The following DTNA variants were observed in gnomAD, a reference collection of about 807,000 sequenced individuals.
DTNA encodes dystrobrevin alpha.
Under a neutral mutation model 100.7 loss-of-function variants are expected in DTNA, and 43 were observed. The ratio of observed to expected loss-of-function variants is 0.43; its 90% CI spans 0.33 to 0.55. DTNA has a LOEUF of 0.55. Among genes scored for constraint, DTNA ranks in the 20% least tolerant of loss-of-function variants. The probability of loss-of-function intolerance (pLI) is 0.04; values close to 1 mark genes in which losing one functional copy is unlikely to be tolerated. For synonymous variants in DTNA, 349 were observed against 347.9 expected (o/e 1.00, Z -0.04); for missense variants, 798 against 953.9 (o/e 0.84, Z 2.15).
intron 1 of DTNA, among the ~76,000 whole-genome samples, chr18:34,592,262 A>G (rs2049811807): frequency 6.6e-6 from 1 of 152,210 alleles, no homozygotes; most frequent in African/African-American, 2.4e-5. Flanking sequence ...TGTTTTGAAC[A>G]TAAAGAGGTT....
intron 2 of DTNA, among the ~76,000 whole-genome samples, chr18:34,763,767 C>T (rs1484528926): frequency 6.6e-6 from 1 of 152,108 alleles, no homozygotes; most frequent in Admixed American, 6.5e-5. Flanking sequence ...GGTTTCAAAC[C>T]ATGCTTGATC....
At chr18:34,550,234 G>A (rs1269978563) in intron 1 of DTNA, among the ~76,000 whole-genome samples, 1 of 152,126 alleles carries the variant, frequency 6.6e-6, no homozygotes, top group South Asian at 2.1e-4. Flanking sequence ...TTGGCAGGAT[G>A]AGAGTGGGAT....
At chr18:34,525,700 A>G (rs1457183468) in intron 1 of DTNA, among the ~76,000 whole-genome samples, 20 of 152,196 alleles carry the variant, frequency 1.3e-4, no homozygotes, top group Non-Finnish European at 2.1e-4. Context: ...CTAGAAATAA[A>G]TAATTCCTCA....
intron 11 of DTNA, among the ~76,000 whole-genome samples, chr18:34,836,532 C>T (rs1435811332): frequency 6.6e-6 from 1 of 151,122 alleles, no homozygotes; most frequent in African/African-American, 2.4e-5. Flanking sequence ...CCTGTAATCC[C>T]AACTACTCGG....
At chr18:34,648,947 T>C (rs2060145173) in intron 1 of DTNA, among the ~76,000 whole-genome samples, 1 of 152,238 alleles carries the variant, frequency 6.6e-6, no homozygotes, top group African/African-American at 2.4e-5. Context: ...ATTTTTCTAA[T>C]GTGGTACTGT....
chr18:34,775,519 A>G (rs1366009631), intron 3 of DTNA, among the ~76,000 whole-genome samples: 1 of 152,142 alleles, frequency 6.6e-6, no homozygotes, highest in East Asian at 1.9e-4. Context: ...TAAAAATAAA[A>G]GCAGAGAGTT....
Position 34,865,936 on chromosome 18 carries a change from C to G in DTNA, c.1743+1874C>G, listed in dbSNP as rs142796370. 3.7e-3 allele frequency among the ~76,000 whole-genome samples: 568 copies of G among 152,284 alleles called. 16 individuals carry two copies. Among genetic ancestry groups the G allele is most frequent in the Admixed American group, 0.031 (477 of 15,294 alleles). On this transcript the variant is annotated intron_variant, in intron 17 of 22. Coordinates refer to ENST00000444659, the MANE Select transcript of DTNA (RefSeq NM_001386795.1). ...GTACATGCAGAGAAAAGAGATGGGC[C>G]TGTAGTCTCAAATAACCAAGTAGAC... is the stretch of plus-strand genomic sequence containing the variant.
At chr18:34,548,500 C>G (rs1049972450) in intron 1 of DTNA, among the ~76,000 whole-genome samples, 13 of 152,048 alleles carry the variant, frequency 8.5e-5, no homozygotes, top group African/African-American at 3.1e-4. Flanking sequence ...ATTTTACAAT[C>G]GAAGCATTTC....
chr18:34,581,916 C>G (rs2048689466), intron 1 of DTNA, among the ~76,000 whole-genome samples: 1 of 152,092 alleles, frequency 6.6e-6, no homozygotes, highest in Non-Finnish European at 1.5e-5. Flanking sequence ...GCCACCATGC[C>G]CGGCCCTGCC....
chr18:34,520,872 A>G (rs928334867), intron 1 of DTNA, among the ~76,000 whole-genome samples: 1 of 152,100 alleles, frequency 6.6e-6, no homozygotes, highest in East Asian at 1.9e-4. Flanking sequence ...TAGATGTTTT[A>G]AACAATTCCT....
chr18:34,496,922 T>C (rs769755924), intron 1 of DTNA, among the ~76,000 whole-genome samples: 18 of 152,202 alleles, frequency 1.2e-4, no homozygotes, highest in Admixed American at 7.2e-4. Context: ...TGTGTCACTC[T>C]AGTTACTTCT....
At chr18:34,848,621 C>T (rs1355177483) in intron 14 of DTNA, among the ~76,000 whole-genome samples, 2 of 151,966 alleles carry the variant, frequency 1.3e-5, no homozygotes, top group African/African-American at 4.8e-5. Flanking sequence ...AGCTGGAATC[C>T]TCGCATCCCC....
intron 17 of DTNA, chr18:34,866,582 T>C: frequency 9.9e-7 from 1 of 1,012,348 alleles, no homozygotes; most frequent in Non-Finnish European, 1.2e-6. Context: ...TTCAGTTCGG[T>C]TTCATTTTAC....
At chr18:34,843,651 T>A (rs1379757858) in intron 13 of DTNA, among the ~76,000 whole-genome samples, 1 of 152,060 alleles carries the variant, frequency 6.6e-6, no homozygotes, top group African/African-American at 2.4e-5. Flanking sequence ...CACTATGACC[T>A]CATTTAACTG....
chr18:34,543,759 A>G (rs2044485041), intron 1 of DTNA, among the ~76,000 whole-genome samples: 1 of 152,160 alleles, frequency 6.6e-6, no homozygotes, highest in Admixed American at 6.6e-5. Context: ...CCAAATGGAA[A>G]CATCATACAA....
intron 1 of DTNA, among the ~76,000 whole-genome samples, chr18:34,723,261 G>A (rs902682035): frequency 2.6e-5 from 4 of 152,142 alleles, no homozygotes; most frequent in African/African-American, 9.7e-5. Context: ...CATAAGCAAA[G>A]CATCGGCAAC....
chr18:34,515,015 G>A (rs928511271), intron 1 of DTNA, among the ~76,000 whole-genome samples: 1 of 151,946 alleles, frequency 6.6e-6, no homozygotes, highest in Non-Finnish European at 1.5e-5. Flanking sequence ...GAGTTTTTGG[G>A]TTGATAAAGC....
At chr18:34,528,026 T>C (rs1272500334) in intron 1 of DTNA, among the ~76,000 whole-genome samples, 1 of 152,152 alleles carries the variant, frequency 6.6e-6, no homozygotes, top group Non-Finnish European at 1.5e-5. Flanking sequence ...ATATACCTGC[T>C]ACTGTGGTTG....
At chr18:34,671,670 A>G (rs1287633496) in intron 1 of DTNA, among the ~76,000 whole-genome samples, 1 of 152,208 alleles carries the variant, frequency 6.6e-6, no homozygotes, top group Non-Finnish European at 1.5e-5. Context: ...AATGTAACTG[A>G]TAGAGTTCCT....
Sources: gnomAD v4.1 joint callset for allele counts (sites outside exome capture counted in the v4.1 genomes callset) on GRCh38, gnomAD v4.1.1 for gene constraint, MANE v1.5 for transcripts, NCBI Gene and HGNC (gene_info 2026-07-23, HGNC 2026-07-21) for gene names.